The following DLGAP1 variants were observed in gnomAD, a reference collection of about 807,000 sequenced individuals.
DLGAP1 encodes the protein DLG associated protein 1.
DLGAP1 carries 11 observed loss-of-function variants against 90.8 expected under a neutral mutation model. The ratio of observed to expected loss-of-function variants is 0.12; its 90% confidence interval spans 0.08 to 0.20. DLGAP1 has a LOEUF of 0.20. Ranked by LOEUF, DLGAP1 falls within the 10% of genes least tolerant of loss-of-function variation. The probability of loss-of-function intolerance (pLI) is 1.00; values close to 1 mark genes in which losing one functional copy is unlikely to be tolerated. For synonymous variants in DLGAP1, 558 were observed against 540.7 expected (o/e 1.03, Z -0.44); for missense variants, 1,050 against 1,333.8 (o/e 0.79, Z 3.31).
intron 1 of DLGAP1, among the ~76,000 whole-genome samples, chr18:4,259,680 A>G (rs1476953213): frequency 1.3e-5 from 2 of 152,234 alleles, no homozygotes; most frequent in Non-Finnish European, 2.9e-5. Context: ...GCCATTACAT[A>G]GTGTAACACT....
At chr18:3,763,863 C>T (rs766580691) in intron 5 of DLGAP1, among the ~76,000 whole-genome samples, 6 of 152,006 alleles carry the variant, frequency 3.9e-5, no homozygotes, top group Non-Finnish European at 5.9e-5. Flanking sequence ...GGTTTCACCA[C>T]GTTAGTCAGG....
chr18:4,313,888 T>A (rs1479780803), intron 1 of DLGAP1, among the ~76,000 whole-genome samples: 3 of 152,148 alleles, frequency 2.0e-5, no homozygotes, highest in East Asian at 3.9e-4. Flanking sequence ...CTTGGATAGA[T>A]AAAGCCGAGA....
intron 2 of DLGAP1, among the ~76,000 whole-genome samples, chr18:4,128,218 CTTG>C (rs1022624875): frequency 6.6e-6 from 1 of 151,830 alleles, no homozygotes; most frequent in Non-Finnish European, 1.5e-5. Context: ...ACTTTTTTTT[CTTG>C]TTATTATTCT....
chr18:4,144,827 G>A (rs1416898106), intron 2 of DLGAP1, among the ~76,000 whole-genome samples: 1 of 152,126 alleles, frequency 6.6e-6, no homozygotes, highest in Non-Finnish European at 1.5e-5. Context: ...TATGCAAAAG[G>A]AAAATAAATC....
chr18:4,222,893 A>C (rs1217351803), intron 1 of DLGAP1, among the ~76,000 whole-genome samples: 7 of 152,188 alleles, frequency 4.6e-5, no homozygotes, highest in Admixed American at 4.6e-4. Flanking sequence ...AAAGAAAATA[A>C]GAGGACATAG....
chr18:4,122,454 G>T (rs2076167853), intron 2 of DLGAP1, among the ~76,000 whole-genome samples: 1 of 152,188 alleles, frequency 6.6e-6, no homozygotes, highest in African/African-American at 2.4e-5. Context: ...AGGGGGTGAT[G>T]CGGGAGAAAT....
intron 3 of DLGAP1, among the ~76,000 whole-genome samples, chr18:3,912,768 T>C (rs1466974473): frequency 6.6e-6 from 1 of 152,074 alleles, no homozygotes; most frequent in Non-Finnish European, 1.5e-5. Context: ...GTAGGTGAAT[T>C]TGACCAAGTC....
intron 7 of DLGAP1, among the ~76,000 whole-genome samples, chr18:3,721,177 A>G (rs561215622): frequency 3.3e-5 from 5 of 152,154 alleles, no homozygotes; most frequent in Non-Finnish European, 7.4e-5. Flanking sequence ...CTGAGTTGCT[A>G]TTGTTCACAT....
chr18:4,060,364 G>C (rs1258316586), intron 2 of DLGAP1, among the ~76,000 whole-genome samples: 1 of 152,072 alleles, frequency 6.6e-6, no homozygotes, highest in African/African-American at 2.4e-5. Context: ...ACTGCTTTAG[G>C]GTAAAAATAT....
At chr18:3,572,414 G>T (rs1303642905) in intron 8 of DLGAP1, among the ~76,000 whole-genome samples, 1 of 148,440 alleles carries the variant, frequency 6.7e-6, no homozygotes, top group Non-Finnish European at 1.5e-5. Context: ...CAGAAGTTTA[G>T]ATTGGTTTCT....
chr18:3,748,359 A>C (rs991851691), intron 5 of DLGAP1, among the ~76,000 whole-genome samples: 7 of 152,236 alleles, frequency 4.6e-5, no homozygotes, highest in African/African-American at 1.7e-4. Flanking sequence ...AGTGTCTCAA[A>C]AGACAAAATG....
At chr18:3,668,176 A>T (rs2059948433) in intron 7 of DLGAP1, among the ~76,000 whole-genome samples, 1 of 152,172 alleles carries the variant, frequency 6.6e-6, no homozygotes, top group South Asian at 2.1e-4. Context: ...CCAAATTGTA[A>T]GTGCCCCCTT....
chr18:4,275,506 ACACCCTC>A (rs1463373570), intron 1 of DLGAP1: 3 of 152,242 alleles, frequency 2.0e-5, no homozygotes, highest in African/African-American at 7.2e-5. Context: ...TCATTTTCTA[ACACCCTC>A]CATAATTTAC....
chr18:4,263,031 C>T (rs2079034104), intron 1 of DLGAP1, among the ~76,000 whole-genome samples: 1 of 151,960 alleles, frequency 6.6e-6, no homozygotes, highest in Non-Finnish European at 1.5e-5. Context: ...CTCCCGTGTT[C>T]AAGCGATTCT....
intron 1 of DLGAP1, among the ~76,000 whole-genome samples, chr18:4,230,939 A>T (rs79788326): frequency 6.6e-6 from 1 of 151,830 alleles, no homozygotes; most frequent in African/African-American, 2.4e-5. Context: ...ATTTGAAATA[A>T]AACAAACAAA....
intron 3 of DLGAP1, among the ~76,000 whole-genome samples, chr18:3,917,508 GTATATGT>G (rs1269983509): frequency 6.6e-5 from 10 of 152,096 alleles, no homozygotes; most frequent in African/African-American, 2.2e-4. Context: ...CAATATTACT[GTATATGT>G]TATATAATAT....
At chr18:4,066,475 T>A (rs1252034962) in intron 2 of DLGAP1, among the ~76,000 whole-genome samples, 4 of 151,788 alleles carry the variant, frequency 2.6e-5, no homozygotes, top group African/African-American at 4.8e-5. Context: ...TTAAACAAAT[T>A]TACAAGAAAA....
chr18:3,961,104 C>A (rs1237106682), intron 3 of DLGAP1, among the ~76,000 whole-genome samples: 1 of 152,134 alleles, frequency 6.6e-6, no homozygotes, highest in African/African-American at 2.4e-5. Flanking sequence ...GGGGAGCAGG[C>A]CACAGAGGCC....
chr18:4,338,411 C>T (rs1012279457), intron 1 of DLGAP1, among the ~76,000 whole-genome samples: 1 of 152,106 alleles, frequency 6.6e-6, no homozygotes, highest in African/African-American at 2.4e-5. Context: ...TACCAAGTGT[C>T]AATAGTTGGG....
Sources: allele counts gnomAD v4.1 joint callset (sites outside exome capture counted in the v4.1 genomes callset), GRCh38; gene constraint gnomAD v4.1.1; transcripts MANE v1.5; gene names NCBI Gene and HGNC (gene_info 2026-07-23, HGNC 2026-07-21).